Variants in NRK observed in about 807,000 individuals in gnomAD.
NRK encodes the protein nik-related protein kinase.
A neutral mutation model predicts 125.2 loss-of-function variants in NRK; 67 were observed. The observed-to-expected ratio is 0.54, with a 90% CI of 0.44 to 0.66. NRK has a LOEUF of 0.66. NRK is among the 30% of genes least tolerant of loss of function. The pLI is 0.00. For missense variants in NRK, 1,224 were observed against 1,192.9 expected (o/e 1.03, Z -0.38); for synonymous variants, 458 against 429.0 (o/e 1.07, Z -0.84).
intron 2 of NRK, among the ~76,000 whole-genome samples, chrX:105,838,154 A>T (rs777888869): frequency 9.0e-6 from 1 of 111,717 alleles, no homozygotes; most frequent in Non-Finnish European, 1.9e-5. Flanking sequence ...TAGTGATCCT[A>T]TTGTCGCTTC....
intron 26 of NRK, chrX:105,948,294 G>T (rs2040844711): frequency 8.4e-6 from 1 of 119,332 alleles, no homozygotes; most frequent in Non-Finnish European, 1.7e-5. Context: ...ACCCAATTAG[G>T]ATACCTTGTG....
Position 105,822,605 on chromosome X carries a change from C to T in NRK, c.-241C>T. The T allele has an allele frequency of 2.3e-6, 1 of 434,731 alleles. No homozygotes were observed. The highest frequency in any genetic ancestry group is 4.1e-6 in the Non-Finnish European group (1 of 246,101). 35.8% of individuals were successfully genotyped at this position (434,731 alleles called of 1,213,427 possible). On this transcript the variant is annotated 5_prime_UTR_variant, in exon 1 of 29. Transcript: ENST00000243300. The stretch of plus-strand genomic sequence containing the variant: ...CGTCTCCAGGACTGACGCTCAGGCT[C>T]CTCTCTCGCCTTAGCCCAACTTGCT...
At chrX:105,848,896 T>C (rs1266056890) in intron 2 of NRK, among the ~76,000 whole-genome samples, 1 of 112,376 alleles carries the variant, frequency 8.9e-6, no homozygotes, top group East Asian at 2.8e-4. Flanking sequence ...ACCATTCTTA[T>C]CTTCATATGC....
chrX:105,837,604 C>T (rs1305353969), intron 2 of NRK, among the ~76,000 whole-genome samples: 2 of 111,153 alleles, frequency 1.8e-5, no homozygotes, highest in African/African-American at 6.5e-5. Context: ...CACCCTCTCC[C>T]ACCTCCTGCC....
chrX:105,867,827 A>T (rs1240251387), intron 2 of NRK, among the ~76,000 whole-genome samples: 1 of 112,040 alleles, frequency 8.9e-6, no homozygotes, highest in African/African-American at 3.2e-5. Flanking sequence ...GAATTAAAAT[A>T]TAAACTGAGA....
intron 28 of NRK, among the ~76,000 whole-genome samples, chrX:105,954,473 C>T (rs978946484): frequency 5.5e-5 from 6 of 109,688 alleles, no homozygotes; most frequent in Admixed American, 9.8e-5. Flanking sequence ...GACTACTAAC[C>T]GAAGTAACTA....
At chrX:105,906,850 T>A (rs2040227239) in intron 11 of NRK, among the ~76,000 whole-genome samples, 1 of 108,283 alleles carries the variant, frequency 9.2e-6, no homozygotes, top group South Asian at 4.3e-4. Flanking sequence ...CAAATGTTCA[T>A]ATTTATGAAG....
chrX:105,840,772 G>A (rs1042729376), intron 2 of NRK, among the ~76,000 whole-genome samples: 1 of 110,074 alleles, frequency 9.1e-6, no homozygotes, highest in African/African-American at 3.3e-5. Flanking sequence ...AAGTAATAAT[G>A]TACTTTTTAA....
chrX:105,943,934 A>G lies in NRK; in HGVS notation c.3959-7A>G, dbSNP rs185578890. The G allele has an allele frequency of 3.7e-5, 38 of 1,014,741 alleles. No individual in the cohort carries two copies. The African/African-American group carries it at 6.3e-4, about 17-fold the overall frequency. The allele number at this position is 1,014,741 out of a possible 1,213,427, so 83.6% of individuals were successfully genotyped here. On this transcript the variant is annotated splice_region_variant and splice_polypyrimidine_tract_variant and intron_variant, in intron 23 of 28. Coordinates refer to ENST00000243300, the MANE Select transcript of NRK (RefSeq NM_198465.4). The stretch of plus-strand genomic sequence containing the variant: ...CATCGTTACTTTTTTGTGTTTTATC[A>G]TTATAGTCCAACATGAAGAAACAAC...
In NRK at chrX:105,955,777, T is replaced by G; in HGVS notation, c.*177T>G. 2.6e-6 allele frequency: 1 copy of G among 387,191 alleles called. No individual in the cohort carries two copies. The highest frequency in any genetic ancestry group is 4.8e-5 in the South Asian group (1 of 20,630). 31.9% of individuals were successfully genotyped at this position (387,191 alleles called of 1,213,427 possible). On this transcript the variant is annotated 3_prime_UTR_variant, in exon 29 of 29. Coordinates refer to ENST00000243300, the MANE Select transcript of NRK (RefSeq NM_198465.4). ...GAGAAATGCAGCTTTATGTATAAAA[T>G]TAACTATAGCAAGCTCTAGGTACTC...
Position 105,935,169 on chromosome X carries a change from G to A in NRK, c.3500-1G>A. ...ATTATCTTCCCCTTACATCTTTGCA[G>A]TATACGCTGGATTCGTAGAAGTACC... On this transcript the variant is annotated splice_acceptor_variant, in intron 20 of 28. Transcript: ENST00000243300. LOFTEE classifies it high-confidence loss of function. 1 of 1,181,461 alleles carries A rather than the reference G, an allele frequency of 8.5e-7. No individual in the cohort carries two copies. The highest frequency in any genetic ancestry group is 1.2e-6 in the Non-Finnish European group (1 of 868,861).
chrX:105,926,800 A>G (rs1004686149), intron 19 of NRK, among the ~76,000 whole-genome samples: 1 of 111,136 alleles, frequency 9.0e-6, no homozygotes, highest in African/African-American at 3.3e-5. Context: ...ATCAACCACA[A>G]TGAGATAAAT....
chrX:105,906,702 G>A (rs920681566), intron 11 of NRK, 113 bp downstream of exon 11: 49 of 411,008 alleles, frequency 1.2e-4, no homozygotes, highest in Middle Eastern at 1.5e-3. Context: ...TAAAACTTCT[G>A]AGGCCTTTGA....
chrX:105,939,734 T>C (rs1276253676), intron 22 of NRK, 140 bp from the exon 23 acceptor site: 2 of 408,064 alleles, frequency 4.9e-6, no homozygotes, highest in East Asian at 4.2e-5. Flanking sequence ...TGGGAGATTC[T>C]GATGCAATGC....
At chrX:105,897,403 C>T (rs768935519) in intron 7 of NRK, among the ~76,000 whole-genome samples, 14 of 112,014 alleles carry the variant, frequency 1.2e-4, no homozygotes, top group Non-Finnish European at 2.4e-4. Context: ...TGCAATTGCT[C>T]GATAATCTTC....
At chrX:105,823,576 G>C (rs1189625365) in intron 1 of NRK, among the ~76,000 whole-genome samples, 1 of 109,597 alleles carries the variant, frequency 9.1e-6, no homozygotes. Flanking sequence ...TACCCAACCA[G>C]ATTTAGCTTT....
At chrX:105,890,946 CAAAT>C (rs778230163) in intron 5 of NRK, among the ~76,000 whole-genome samples, 8 of 111,273 alleles carry the variant, frequency 7.2e-5, no homozygotes, top group Non-Finnish European at 1.3e-4. Flanking sequence ...GGGGAGGACT[CAAAT>C]GAATACTGGA....
chrX:105,873,016 A>T (rs2039767323), intron 2 of NRK, among the ~76,000 whole-genome samples: 1 of 111,635 alleles, frequency 9.0e-6, no homozygotes, highest in African/African-American at 3.3e-5. Context: ...CTATGAATGA[A>T]AAACGAGGTT....
intron 1 of NRK, 38 bp from the exon 2 acceptor site, chrX:105,831,016 C>G: frequency 2.3e-6 from 2 of 854,251 alleles, no homozygotes; most frequent in Non-Finnish European, 3.4e-6. Context: ...ACCTAATTTC[C>G]TAAGAAGATT....
Sources: allele counts gnomAD v4.1 joint callset (sites outside exome capture counted in the v4.1 genomes callset), GRCh38; gene constraint gnomAD v4.1.1; transcripts MANE v1.5; gene names NCBI Gene and HGNC (gene_info 2026-07-23, HGNC 2026-07-21).